ARHGEF9: variants seen among roughly 807,000 people sequenced by gnomAD.
ARHGEF9 encodes the protein Cdc42 guanine nucleotide exchange factor 9, also known as rho guanine nucleotide exchange factor 9.
In ARHGEF9, 2 loss-of-function variants were observed where a neutral mutation model predicts 41.3. The observed-to-expected ratio is 0.05, with a 90% CI of 0.02 to 0.15. The LOEUF (loss-of-function observed/expected upper bound fraction) is 0.15. Ranked by LOEUF, ARHGEF9 falls within the 10% of genes least tolerant of loss-of-function variation. ARHGEF9 has a pLI of 1.00. For missense variants in ARHGEF9, 225 were observed against 424.7 expected (o/e 0.53, Z 4.13); for synonymous variants, 160 against 154.4 (o/e 1.04, Z -0.27).
intron 1 of ARHGEF9, among the ~76,000 whole-genome samples, chrX:63,740,542 C>T (rs782329076): frequency 1.6e-4 from 18 of 112,513 alleles, no homozygotes; most frequent in Non-Finnish European, 3.0e-4. Context: ...AAGACTCAGA[C>T]AGCAGAGGGG....
intron 5 of ARHGEF9, among the ~76,000 whole-genome samples, chrX:63,674,822 C>T (rs2050162321): frequency 9.0e-6 from 1 of 111,584 alleles, no homozygotes; most frequent in South Asian, 3.8e-4. Context: ...AGCTCTCTTA[C>T]TGTCTGCTCT....
intron 1 of ARHGEF9, among the ~76,000 whole-genome samples, chrX:63,735,553 G>A (rs2054563509): frequency 8.9e-6 from 1 of 111,838 alleles, no homozygotes; most frequent in Admixed American, 9.4e-5. Flanking sequence ...GGAGGAGCAG[G>A]GGAGGAGATA....
chrX:63,726,029 G>A (rs1405167402), intron 1 of ARHGEF9, among the ~76,000 whole-genome samples: 1 of 111,780 alleles, frequency 8.9e-6, no homozygotes, highest in African/African-American at 3.3e-5. Flanking sequence ...CAACACATAC[G>A]AACACATATA....
intron 1 of ARHGEF9, 53 bp downstream of exon 1, chrX:63,785,063 G>A: frequency 1.7e-6 from 2 of 1,155,609 alleles, no homozygotes; most frequent in Non-Finnish European, 2.3e-6. Flanking sequence ...CTGGAGGTGG[G>A]GCTGGGGGAC....
chrX:63,777,374 G>T (rs781832455), intron 1 of ARHGEF9, among the ~76,000 whole-genome samples: 1 of 111,112 alleles, frequency 9.0e-6, no homozygotes, highest in Non-Finnish European at 1.9e-5. Context: ...ATGACACATG[G>T]GGATTATGGG....
At chrX:63,717,400 G>A (rs1284058429) in intron 2 of ARHGEF9, among the ~76,000 whole-genome samples, 54 of 112,352 alleles carry the variant, frequency 4.8e-4, no homozygotes, top group Non-Finnish European at 1.7e-4. Context: ...AGGCCTCCAT[G>A]TAGCCCATGT....
rs782557414 is a variant in ARHGEF9 at position 63,746,290 on chromosome X, T to C, written c.31-21579A>G. ...GCCTGGAACTAGCACATAAGAGTGA[T>C]AAGGGCAAGAGAAAAACTGGCCTGA... On this transcript the variant is annotated intron_variant, in intron 1 of 9. Coordinates refer to ENST00000671741, the MANE Select transcript of ARHGEF9 (RefSeq NM_001353921.2). 7.1e-5 allele frequency among the ~76,000 whole-genome samples: 8 copies of C among 112,440 alleles called. No individual in the cohort carries two copies. In the South Asian group the frequency reaches 3.0e-3, roughly 42 times the overall value.
chrX:63,711,704 G>GA (rs1414196324), intron 2 of ARHGEF9, among the ~76,000 whole-genome samples: 1 of 111,733 alleles, frequency 8.9e-6, no homozygotes, highest in Non-Finnish European at 1.9e-5. Flanking sequence ...AGTCATTAAA[G>GA]AAAACATAGA....
At chrX:63,653,047 C>T (rs1229496839) in intron 8 of ARHGEF9, among the ~76,000 whole-genome samples, 5 of 111,545 alleles carry the variant, frequency 4.5e-5, no homozygotes, top group Non-Finnish European at 9.4e-5. Context: ...GTCAATTAAA[C>T]CTCTTTTCTT....
chrX:63,754,379 TTCTC>T, intron 1 of ARHGEF9: 6 of 1,206,675 alleles, frequency 5.0e-6, no homozygotes, highest in Non-Finnish European at 5.6e-6. Flanking sequence ...AGCTTGTTCT[TTCTC>T]TCTCTTTCCC....
At chrX:63,671,719 GCATATGTGCATGTGTATA>G (rs1556355767) in intron 6 of ARHGEF9, among the ~76,000 whole-genome samples, 1 of 112,407 alleles carries the variant, frequency 8.9e-6, no homozygotes, top group Admixed American at 9.4e-5. Flanking sequence ...GTGTACATGT[GCATATGTGCATGTGTATA>G]CACACAAGAA....
At chrX:63,705,926 A>T (rs1368764918) in intron 3 of ARHGEF9, among the ~76,000 whole-genome samples, 1 of 111,565 alleles carries the variant, frequency 9.0e-6, no homozygotes, top group Non-Finnish European at 1.9e-5. Flanking sequence ...CCCTTACATG[A>T]GATGGCTGTA....
chrX:63,724,136 A>C (rs1387337016), intron 2 of ARHGEF9, among the ~76,000 whole-genome samples: 1 of 111,168 alleles, frequency 9.0e-6, no homozygotes, highest in Non-Finnish European at 1.9e-5. Context: ...TACGAGAAGA[A>C]AGAATAAAAA....
At chrX:63,759,305 T>C (rs1410881052) in intron 1 of ARHGEF9, among the ~76,000 whole-genome samples, 4 of 110,319 alleles carry the variant, frequency 3.6e-5, no homozygotes, top group Admixed American at 9.7e-5. Context: ...GGAGTAGCAA[T>C]ACCCCTCCCG....
At chrX:63,671,270 T>C in intron 6 of ARHGEF9, 1 of 111,309 alleles carries the variant, frequency 9.0e-6, no homozygotes, top group Non-Finnish European at 1.9e-5. Flanking sequence ...CTTGGGCAGG[T>C]GGAATGCACA....
intron 1 of ARHGEF9, among the ~76,000 whole-genome samples, chrX:63,783,078 A>G (rs1556463241): frequency 8.9e-6 from 1 of 111,948 alleles, no homozygotes; most frequent in Non-Finnish European, 1.9e-5. Flanking sequence ...CACAGTCTCC[A>G]CAAGATGTCT....
intron 1 of ARHGEF9, among the ~76,000 whole-genome samples, chrX:63,753,920 A>G (rs1556443983): frequency 8.9e-6 from 1 of 111,743 alleles, no homozygotes; most frequent in African/African-American, 3.3e-5. Flanking sequence ...TGCATCGATT[A>G]TTTTCCCTCT....
intron 1 of ARHGEF9, chrX:63,755,263 T>C: frequency 1.1e-6 from 1 of 924,827 alleles, no homozygotes; most frequent in Non-Finnish European, 1.3e-6. Flanking sequence ...GGGCGGGACT[T>C]GCGCTGGCGT....
intron 1 of ARHGEF9, among the ~76,000 whole-genome samples, chrX:63,750,777 G>C (rs1404680507): frequency 1.1e-4 from 12 of 111,964 alleles, no homozygotes; most frequent in African/African-American, 3.9e-4. Context: ...GGACTGACTA[G>C]AAAGGAATTT....
Sources: gnomAD v4.1 joint callset for allele counts (sites outside exome capture counted in the v4.1 genomes callset) on GRCh38, gnomAD v4.1.1 for gene constraint, MANE v1.5 for transcripts, NCBI Gene and HGNC (gene_info 2026-07-23, HGNC 2026-07-21) for gene names.